Variants in XIRP2 observed in about 807,000 individuals in gnomAD.
XIRP2 encodes xin actin binding repeat containing 2, also known as xin actin-binding repeat-containing protein 2.
A neutral mutation model predicts 277.0 loss-of-function variants in XIRP2; 236 were observed. The ratio of observed to expected loss-of-function variants is 0.85; its 90% confidence interval spans 0.77 to 0.95. The LOEUF is 0.95. Among genes scored for constraint, XIRP2 ranks in the 40% least tolerant of loss-of-function variants. The pLI is 0.00. For synonymous variants in XIRP2, 1,490 were observed against 1,416.5 expected (o/e 1.05, Z -1.17); for missense variants, 4,640 against 4,157.5 (o/e 1.12, Z -3.19).
At chr2:167,008,182 T>C (rs1558945281) in intron 2 of XIRP2, among the ~76,000 whole-genome samples, 1 of 151,644 alleles carries the variant, frequency 6.6e-6, no homozygotes, top group African/African-American at 2.4e-5. Context: ...TGTCAACATA[T>C]ATCTTTTATT....
At chr2:167,172,323 G>T (rs565371800) in intron 3 of XIRP2, among the ~76,000 whole-genome samples, 17 of 152,280 alleles carry the variant, frequency 1.1e-4, no homozygotes, top group Admixed American at 9.8e-4. Flanking sequence ...TGGAGGCAGG[G>T]CAAGATCACA....
chr2:167,245,943 C>T lies in XIRP2; in HGVS notation c.4551C>T (p.Ile1517=), dbSNP rs1573993980. The T allele has an allele frequency of 5.6e-6, 9 of 1,613,624 alleles. No homozygotes were observed. In the East Asian group the frequency reaches 2.0e-4, roughly 36 times the overall value. The change falls in exon 9 of 11, where the codon ATC becomes ATT. Residue 1517 remains isoleucine, a synonymous_variant. Transcript: ENST00000409195. ...KGITKMTKEE[I]PPSDVKTTTW... ...TCACAAAAATGACCAAGGAAGAAAT[C>T]CCTCCTTCTGATGTCAAAACAACCA...
At chr2:167,130,619 C>T (rs771738167) in intron 2 of XIRP2, among the ~76,000 whole-genome samples, 11 of 152,214 alleles carry the variant, frequency 7.2e-5, no homozygotes, top group Non-Finnish European at 1.2e-4. Flanking sequence ...GATCTCCAGT[C>T]TGCTGACCCT....
intron 3 of XIRP2, among the ~76,000 whole-genome samples, chr2:167,208,985 T>C (rs964964750): frequency 6.6e-6 from 1 of 152,198 alleles, no homozygotes. Context: ...TTCCTCAGCA[T>C]GTGAAAGTCT....
intron 2 of XIRP2, among the ~76,000 whole-genome samples, chr2:167,017,917 C>A (rs1687876343): frequency 6.6e-6 from 1 of 151,874 alleles, no homozygotes; most frequent in Non-Finnish European, 1.5e-5. Context: ...CAGAAAAGAC[C>A]TTTTTACTGC....
At chr2:167,090,180 C>G (rs1690099042) in intron 2 of XIRP2, among the ~76,000 whole-genome samples, 12 of 151,516 alleles carry the variant, frequency 7.9e-5, no homozygotes, top group Admixed American at 7.9e-4. Context: ...TAACAGCTGG[C>G]CAGATTAAAA....
At chr2:166,920,848 C>T (rs1215139152) in intron 2 of XIRP2, among the ~76,000 whole-genome samples, 1 of 152,000 alleles carries the variant, frequency 6.6e-6, no homozygotes, top group Non-Finnish European at 1.5e-5. Context: ...TCTTAGTTCC[C>T]ACTGTCAGTT....
intron 2 of XIRP2, among the ~76,000 whole-genome samples, chr2:167,107,501 C>A (rs1011582122): frequency 1.3e-5 from 2 of 151,724 alleles, no homozygotes; most frequent in Admixed American, 1.3e-4. Flanking sequence ...ATGAATTTCA[C>A]TGATCAGTTT....
rs1695206416 is a variant in XIRP2 at position 167,245,059 on chromosome 2, A to T, written c.3667A>T (p.Ile1223Phe). Residue 1223 changes from isoleucine (I) to phenylalanine (F), a missense_variant, in exon 9 of 11, where the codon ATC becomes TTC. By Grantham distance (21) the Ile-to-Phe change is conservative (BLOSUM62 0). Transcript: ENST00000409195. ...SSSSEEVLKK[I>F]KTLKTEDIQK... ...TAGTTCAGAGGAAGTTTTGAAAAAG[A>T]TCAAAACCTTAAAAACTGAAGATAT... The T allele has an allele frequency of 6.2e-7, 1 of 1,611,018 alleles. No homozygotes were observed. The highest frequency in any genetic ancestry group is 1.1e-5 in the South Asian group (1 of 90,220).
chr2:167,153,617 T>G (rs1692088070), intron 3 of XIRP2, among the ~76,000 whole-genome samples: 1 of 151,884 alleles, frequency 6.6e-6, no homozygotes, highest in Non-Finnish European at 1.5e-5. Context: ...GTCCATGTGT[T>G]CTCATTGTTC....
At chr2:167,148,060 A>G (rs1167471869) in intron 3 of XIRP2, among the ~76,000 whole-genome samples, 1 of 152,080 alleles carries the variant, frequency 6.6e-6, no homozygotes, top group African/African-American at 2.4e-5. Context: ...CTAGACAAAA[A>G]ATAGAAGCCC....
chr2:167,231,715 C>T (rs559251427), intron 5 of XIRP2, among the ~76,000 whole-genome samples: 28 of 152,072 alleles, frequency 1.8e-4, no homozygotes, highest in South Asian at 6.2e-4. Flanking sequence ...AAAGACTATA[C>T]TGATCATCTC....
At chr2:166,911,511 A>ATG (rs1684699122) in intron 2 of XIRP2, among the ~76,000 whole-genome samples, 1 of 152,094 alleles carries the variant, frequency 6.6e-6, no homozygotes, top group Non-Finnish European at 1.5e-5. Context: ...GTCTCTGCCC[A>ATG]TGAGATGGGT....
At chr2:166,927,216 G>A (rs143684467) in intron 2 of XIRP2, among the ~76,000 whole-genome samples, 3 of 152,164 alleles carry the variant, frequency 2.0e-5, no homozygotes, top group East Asian at 1.9e-4. Context: ...CAATGGGAAC[G>A]GAAGAGTAAA....
intron 3 of XIRP2, among the ~76,000 whole-genome samples, chr2:167,192,430 CAT>C (rs1166752182): frequency 2.6e-5 from 4 of 152,112 alleles, no homozygotes; most frequent in Admixed American, 6.6e-5. Context: ...ACTAGTAAGC[CAT>C]TGTGACAAAT....
intron 2 of XIRP2, among the ~76,000 whole-genome samples, chr2:167,036,585 G>A (rs1425242949): frequency 6.6e-6 from 1 of 152,122 alleles, no homozygotes; most frequent in Admixed American, 6.6e-5. Context: ...ATAGGCAGAA[G>A]GGACTTGCCT....
At chr2:167,026,910 C>T (rs1012763763) in intron 2 of XIRP2, among the ~76,000 whole-genome samples, 8 of 152,052 alleles carry the variant, frequency 5.3e-5, no homozygotes, top group Non-Finnish European at 8.8e-5. Context: ...GTGGGTAACC[C>T]GACCTTCTCT....
At chr2:166,952,261 T>G (rs1686055257) in intron 2 of XIRP2, among the ~76,000 whole-genome samples, 1 of 152,010 alleles carries the variant, frequency 6.6e-6, no homozygotes, top group Non-Finnish European at 1.5e-5. Flanking sequence ...CTGAGCTTCT[T>G]GCAATCCCTA....
At chr2:166,900,690 A>C (rs1684359725) in intron 1 of XIRP2, among the ~76,000 whole-genome samples, 3 of 152,202 alleles carry the variant, frequency 2.0e-5, no homozygotes, top group South Asian at 2.1e-4. Flanking sequence ...CTCCAATGCC[A>C]TCACCCCTGC....
Sources: gnomAD v4.1 joint callset for allele counts (sites outside exome capture counted in the v4.1 genomes callset) on GRCh38, gnomAD v4.1.1 for gene constraint, MANE v1.5 for transcripts, NCBI Gene and HGNC (gene_info 2026-07-23, HGNC 2026-07-21) for gene names.